EML3: variants seen among roughly 807,000 people sequenced by gnomAD.
EML3 encodes echinoderm microtubule-associated protein-like 3.
EML3 carries 53 observed loss-of-function variants against 106.7 expected under a neutral mutation model. The observed-to-expected ratio is 0.50, with a 90% CI of 0.40 to 0.62. EML3 has a LOEUF of 0.62. Among genes scored for constraint, EML3 ranks in the 20% least tolerant of loss-of-function variants. The pLI, the probability that EML3 is intolerant of heterozygous loss-of-function variation, is 0.00. For missense variants in EML3, 994 were observed against 1,209.1 expected, an observed-to-expected ratio of 0.82 and a Z score of 2.64; for synonymous variants, 499 against 489.6, an observed-to-expected ratio of 1.02 and a Z score of -0.25.
Position 62,603,020 on chromosome 11 carries a change from AGGG to A in EML3, c.2356+126_2356+128del. 3 of 1,508,192 alleles carry A rather than the reference AGGG, an allele frequency of 2.0e-6. No homozygotes were observed. In the Admixed American group the frequency reaches 6.3e-5, roughly 31 times the overall value. 93.4% of individuals were successfully genotyped at this position (1,508,192 alleles called of 1,614,324 possible). ...TTCCAGGCAAGCCTTCCCGGTCCCG[AGGG>A]GCCTCCTGGGCTGGATCTTCAGGTT... On this transcript the variant is annotated intron_variant, in intron 20 of 21. Coordinates refer to ENST00000394773, the MANE Select transcript of EML3 (RefSeq NM_153265.3).
At position 62,602,688 on chromosome 11, in the gene EML3, A is replaced by C. The variant is rs751225154; in HGVS notation, c.2488-10T>G. 4 of 1,598,120 alleles carry C rather than the reference A, an allele frequency of 2.5e-6. No homozygotes were observed. The highest frequency in any genetic ancestry group is 3.4e-6 in the Non-Finnish European group (4 of 1,175,088). On this transcript the variant is annotated splice_polypyrimidine_tract_variant and intron_variant, in intron 21 of 21. Transcript: ENST00000394773. ...ACATGCGGCTCGGCGCCTGGGCCGG[A>C]GGGAAGAGTTGCGGTGGCGGCTGAG...
chr11:62,607,042 G>T lies in EML3; in HGVS notation c.1420C>A (p.Leu474Ile). 1 of 1,614,186 alleles carries T rather than the reference G, an allele frequency of 6.2e-7. No homozygotes were observed. The highest frequency in any genetic ancestry group is 8.5e-7 in the Non-Finnish European group (1 of 1,180,016). ...CFVFLPDGDI[L>I]TGDSEGNILT... ...ATGTTCCCCTCTGAGTCTCCAGTGA[G>T]AATGTCTCCATCCGGAAGGAACACA... The change falls in exon 12 of 22, where the codon CTC becomes ATC. Residue 474 changes from leucine to isoleucine, a missense_variant. Leu to Ile is a conservative substitution (Grantham distance 5, BLOSUM62 2). Around this residue, in one of 3 missense-constraint regions of EML3, gnomAD observed 713 missense variants for 920.5 expected, o/e 0.77. Coordinates refer to ENST00000394773, the MANE Select transcript of EML3 (RefSeq NM_153265.3).
chr11:62,605,362 G>A lies in EML3; in HGVS notation c.1915-182C>T. 3.0e-6 allele frequency: 2 copies of A among 676,288 alleles called. No individual in the cohort carries two copies. The highest frequency in any genetic ancestry group is 4.0e-5 in the South Asian group (2 of 49,542). 41.9% of individuals were successfully genotyped at this position (676,288 alleles called of 1,614,324 possible). On this transcript the variant is annotated intron_variant, in intron 15 of 21. Coordinates refer to ENST00000394773, the MANE Select transcript of EML3 (RefSeq NM_153265.3). The surrounding 1 kb of genome is among the most constrained non-coding windows in gnomAD (Gnocchi z 5.2). ...AGTGATACCAAAATATTTAACCACA[G>A]AACTGATGCCAATAGCTGTGCTGGA...
rs752392014 is a variant in EML3, at chr11:62,604,228, T to C, written c.1983-27A>G. On this transcript the variant is annotated intron_variant, in intron 16 of 21. Coordinates refer to ENST00000394773, the MANE Select transcript of EML3 (RefSeq NM_153265.3). ...TGGAAGGGAGGGAAGTGGAGGCAGATAGGAAGACGAAAAGGCAGGATGTAA... is the reference window on the plus strand; with the variant it reads ...TGGAAGGGAGGGAAGTGGAGGCAGACAGGAAGACGAAAAGGCAGGATGTAA... The C allele has an allele frequency of 1.2e-5, 20 of 1,610,936 alleles. No homozygotes were observed. The East Asian group carries it at 4.0e-4, about 32-fold the overall frequency.
At position 62,609,707 on chromosome 11, in the gene EML3, G is replaced by A. The variant is rs769508215; in HGVS notation, c.567-11C>T. 2 of 1,591,962 alleles carry A rather than the reference G, an allele frequency of 1.3e-6. No individual in the cohort carries two copies. The highest frequency in any genetic ancestry group is 1.1e-5 in the South Asian group (1 of 87,950). ...TCTTTTCCCCCACGGCTGTTGGGAA[G>A]AGAGAAAGCACAGGGATTGGGGTCA... On this transcript the variant is annotated splice_polypyrimidine_tract_variant and intron_variant, in intron 4 of 21. Coordinates refer to ENST00000394773, the MANE Select transcript of EML3 (RefSeq NM_153265.3).
chr11:62,608,038 C>T lies in EML3; in HGVS notation c.1206+163G>A, dbSNP rs1009287654. The T allele has an allele frequency of 3.7e-5, 31 of 828,674 alleles. No individual in the cohort carries two copies. The African/African-American group carries it at 3.8e-4, about 10-fold the overall frequency. The allele number at this position is 828,674 out of a possible 1,614,324, so 51.3% of individuals were successfully genotyped here. A position where few individuals can be genotyped will look rare whatever the true frequency, so the allele number is the denominator to read the frequency against. On this transcript the variant is annotated intron_variant, in intron 10 of 21. Transcript: ENST00000394773. The stretch of plus-strand genomic sequence containing the variant: ...ACATTATGCCTCATGAGGTCAGAAC[C>T]CATGTCACAAATGAAGAAACTAAGG...
At chr11:62,607,202 C>T in intron 11 of EML3, 103 bp from the exon 12 acceptor site, 2 of 1,448,026 alleles carry the variant, frequency 1.4e-6, no homozygotes, top group Non-Finnish European at 1.9e-6. Flanking sequence ...AATCCCAGCA[C>T]TTTGGGAGGC....
intron 1 of EML3, chr11:62,611,837 G>A: frequency 1.8e-6 from 1 of 569,452 alleles, no homozygotes; most frequent in South Asian, 2.2e-5. Context: ...CCTCCGCAAA[G>A]ACTGGGAGTA....
chr11:62,611,183 GT>G lies in EML3; in HGVS notation c.355del (p.Thr119ProfsTer63). 1 of 1,607,242 alleles carries G rather than the reference GT, an allele frequency of 6.2e-7. No individual in the cohort carries two copies. Among genetic ancestry groups the G allele is most frequent in the Non-Finnish European group, 8.5e-7 (1 of 1,179,182 alleles). On this transcript the variant is annotated frameshift_variant, in exon 3 of 22. Transcript: ENST00000394773. LOFTEE classifies it high-confidence loss of function. The part of the protein sequence containing the change: ...PQGASEEPSG[T>X]QSEGGGSSSS... ...GCTGCTGCCCCCTCCTTCAGATTGG[GT>G]CCCGCTAGGCTCTTCGCTGGCCCCC... is the stretch of plus-strand genomic sequence containing the variant.
In EML3 at chr11:62,607,136, G is replaced by A. The variant is rs1325722484; in HGVS notation, c.1363-37C>T. ...GGAGAGCAGACAGTAGAGGTCAAAG[G>A]GAAGGGCAAAGATTAAAAGTCGCAG... On this transcript the variant is annotated intron_variant, in intron 11 of 21. Transcript: ENST00000394773. The A allele has an allele frequency of 3.7e-6, 6 of 1,608,054 alleles. 1 individual carries two copies. The South Asian group carries it at 5.5e-5, about 15-fold the overall frequency.
chr11:62,604,265 G>A, intron 16 of EML3, 64 bp from the exon 17 acceptor site: 2 of 1,493,536 alleles, frequency 1.3e-6, no homozygotes, highest in Non-Finnish European at 1.9e-6. Flanking sequence ...GAGACCCCCA[G>A]GGAGGCCACC....
rs1942305562 is a variant in EML3, at chr11:62,602,804, G to A, written c.2442C>T (p.Asp814=). The change falls in exon 21 of 22, where the codon GAC becomes GAT. Residue 814 remains aspartate (D), a synonymous_variant. Transcript: ENST00000394773. ...HNERVVAVAD[D]FCKVHLFQYP... ...ACTGGAAGAGATGCACTTTGCAGAA[G>A]TCGTCGGCCACCGCCACCACGCGCT... 6.2e-7 allele frequency: 1 copy of A among 1,610,938 alleles called. No individual in the cohort carries two copies. Among genetic ancestry groups the A allele is most frequent in the East Asian group, 2.2e-5 (1 of 44,808 alleles).
At position 62,611,499 on chromosome 11, in the gene EML3, G is replaced by A. The variant is rs1412603122; in HGVS notation, c.120C>T (p.Ala40=). The A allele has an allele frequency of 6.2e-7, 1 of 1,613,652 alleles. No homozygotes were observed. Among genetic ancestry groups the A allele is most frequent in the Non-Finnish European group, 8.5e-7 (1 of 1,179,950 alleles). ...GCACCTGCAGCCGCAGCAGGCGAAG[G>A]GCTTCTGCCAGGGCTGCCTTTACCA... ...MELVKAALAE[A]LRLLRLQVPP... is the part of the protein sequence containing the mutation. The change falls in exon 2 of 22, where the codon GCC becomes GCT. Residue 40 remains alanine, a synonymous_variant. Coordinates refer to ENST00000394773, the MANE Select transcript of EML3 (RefSeq NM_153265.3).
In EML3 at chr11:62,611,326, T is replaced by C; in HGVS notation, c.213A>G (p.Gly71=). ...PPGDSLAAPP[G]LPPTCTPSLV... ...AGGAAGGGGTGCACGTGGGTGGCAG[T>C]CCTGGGGGGGCTGCAAGACTGCTGG... Residue 71 remains glycine (G), a synonymous_variant, in exon 3 of 22, where the codon GGA becomes GGG. Coordinates refer to ENST00000394773, the MANE Select transcript of EML3 (RefSeq NM_153265.3). 6.2e-7 allele frequency: 1 copy of C among 1,612,742 alleles called. No homozygotes were observed.
In EML3 at chr11:62,610,988, G is replaced by C; in HGVS notation, c.457C>G (p.Arg153Gly). The C allele has an allele frequency of 1.2e-6, 2 of 1,613,180 alleles. No individual in the cohort carries two copies. The highest frequency in any genetic ancestry group is 1.1e-5 in the South Asian group (1 of 91,038). ...GATGAGGAGGAGGAAGAATTTCTTC[G>C]CGGCCTGGTGGGGGCATAGTGAAGG... is the stretch of plus-strand genomic sequence containing the variant. ...LQPPQRADTP[R>G]RNSSSSSSPS... Residue 153 changes from arginine (R) to glycine (G), a missense_variant, in exon 4 of 22, where the codon CGA becomes GGA. Arg to Gly is a moderately radical substitution (Grantham distance 125, BLOSUM62 -2). Around this residue, in one of 3 missense-constraint regions of EML3, gnomAD observed 269 missense variants for 265.1 expected, o/e 1.01. Coordinates refer to ENST00000394773, the MANE Select transcript of EML3 (RefSeq NM_153265.3).
intron 16 of EML3, 118 bp downstream of exon 16, chr11:62,604,995 G>C (rs760096993): frequency 2.1e-6 from 2 of 958,704 alleles, no homozygotes; most frequent in Non-Finnish European, 3.0e-6. Flanking sequence ...GCACAGAGGA[G>C]TGCCAAGGCG....
At chr11:62,609,735 T>C in intron 4 of EML3, 39 bp from the exon 5 acceptor site, 1 of 1,542,208 alleles carries the variant, frequency 6.5e-7, no homozygotes, top group Admixed American at 2.1e-5. Flanking sequence ...TGGGGTCAGG[T>C]CCCAAGACCT....
At position 62,607,698 on chromosome 11, in the gene EML3, C is replaced by T; in HGVS notation, c.1330G>A (p.Gly444Arg). The change falls in exon 11 of 22, where the codon GGG becomes AGG. Residue 444 changes from glycine to arginine, a missense_variant. This residue lies in a region of EML3 where 713 missense variants were observed against 920.5 expected (regional missense o/e 0.77). Coordinates refer to ENST00000394773, the MANE Select transcript of EML3 (RefSeq NM_153265.3). Reference protein sequence around the residue: ...WSGGVGVPGNGTLTRKQGVFG... With the variant: ...WSGGVGVPGNRTLTRKQGVFG... ...ACACCCTGTTTCCGGGTAAGGGTCCCATTCCCAGGAACCCCTACTCCACCA... is the reference window on the plus strand; with the variant it reads ...ACACCCTGTTTCCGGGTAAGGGTCCTATTCCCAGGAACCCCTACTCCACCA... 1 of 1,614,016 alleles carries T rather than the reference C, an allele frequency of 6.2e-7. No individual in the cohort carries two copies. The highest frequency in any genetic ancestry group is 8.5e-7 in the Non-Finnish European group (1 of 1,179,984).
chr11:62,605,653 T>G lies in EML3; in HGVS notation c.1903A>C (p.Ile635Leu), dbSNP rs374273810. Reference sequence around the variant, plus strand: ...GCACAGGGCTCTACCTTGAGGTCGATGCTCCAGGCCAGTGCATGGCTCTCC... The same window carrying G: ...GCACAGGGCTCTACCTTGAGGTCGAGGCTCCAGGCCAGTGCATGGCTCTCC... Reference protein sequence around the residue: ...DGESHALAWSIDLKETGLCAD... With the variant: ...DGESHALAWSLDLKETGLCAD... The change falls in exon 15 of 22, where the codon ATC (isoleucine) becomes CTC (leucine). Residue 635 changes from isoleucine (I) to leucine (L), a missense_variant. By Grantham distance (5) the Ile-to-Leu change is conservative (BLOSUM62 2). Around this residue, in one of 3 missense-constraint regions of EML3, gnomAD observed 713 missense variants for 920.5 expected, o/e 0.77. Transcript: ENST00000394773. This position sits in a 1 kb window ranked among gnomAD's most constrained non-coding sequence, Gnocchi z 5.2. 131 of 1,545,232 alleles carry G rather than the reference T, an allele frequency of 8.5e-5. No individual in the cohort carries two copies. The highest frequency in any genetic ancestry group is 1.1e-4 in the Non-Finnish European group (121 of 1,146,498).
Sources: gnomAD v4.1 joint callset for allele counts on GRCh38, gnomAD v4.1.1 for gene constraint, gnomAD v4.1.1 regional missense constraint, Gnocchi (gnomAD v3.1) non-coding constraint, MANE v1.5 for transcripts, NCBI Gene and HGNC (gene_info 2026-07-23, HGNC 2026-07-21) for gene names.